Variants in MDN1 observed in about 807,000 individuals in gnomAD.
MDN1 encodes the protein midasin AAA ATPase 1.
Under a neutral mutation model 669.2 loss-of-function variants are expected in MDN1, and 266 were observed. That is an observed-to-expected ratio of 0.40 (90% CI 0.36 to 0.44). MDN1 has a LOEUF of 0.44. Ranked by LOEUF, MDN1 falls within the 20% of genes least tolerant of loss-of-function variation. The pLI is 1.00. For synonymous variants in MDN1, 2,385 were observed against 2,457.1 expected (o/e 0.97, Z 0.87); for missense variants, 5,940 against 6,754.0 (o/e 0.88, Z 4.22).
chr6:89,793,787 C>T lies in MDN1; in HGVS notation c.830G>A (p.Gly277Glu), dbSNP rs373877235. ...CAGCTCTCCAGGGGCTGGCAGCTGC[C>T]CAGGCAGCACCACACCACAAACAGC... ...VTAVCGVVLP[G>E]QLPAPGELGG... Residue 277 changes from glycine to glutamate, a missense_variant, in exon 5 of 102, where the codon GGG becomes GAG. Gly to Glu is a moderately conservative substitution (Grantham distance 98). This residue lies in a region of MDN1 where 1,203 missense variants were observed against 1,268.9 expected (regional missense o/e 0.95). Coordinates refer to ENST00000369393, the MANE Select transcript of MDN1 (RefSeq NM_014611.3). 1 of 1,613,782 alleles carries T rather than the reference C, an allele frequency of 6.2e-7. No homozygotes were observed. Among genetic ancestry groups the T allele is most frequent in the Non-Finnish European group, 8.5e-7 (1 of 1,179,916 alleles).
chr6:89,779,854 T>A (rs1426123033), intron 11 of MDN1, among the ~76,000 whole-genome samples: 7 of 151,826 alleles, frequency 4.6e-5, no homozygotes, highest in African/African-American at 1.7e-4. Context: ...TCACTTGAGG[T>A]CAGGAGATCG....
At chr6:89,741,655 A>G (rs1816305686) in intron 31 of MDN1, among the ~76,000 whole-genome samples, 1 of 152,224 alleles carries the variant, frequency 6.6e-6, no homozygotes. Context: ...TGATTCTGAT[A>G]AAACGGCTAG....
chr6:89,658,424 G>T, intron 89 of MDN1, 54 bp from the exon 90 acceptor site: 1 of 1,605,714 alleles, frequency 6.2e-7, no homozygotes, highest in Non-Finnish European at 8.5e-7. Flanking sequence ...ACAGCATAAG[G>T]TGGGAGACCT....
intron 92 of MDN1, 68 bp from the exon 93 acceptor site, chr6:89,654,402 G>T: frequency 6.4e-7 from 1 of 1,569,972 alleles, no homozygotes; most frequent in Non-Finnish European, 8.7e-7. Context: ...ATAATAAGTG[G>T]GTATGGTTTC....
chr6:89,723,232 G>T, intron 39 of MDN1, 89 bp from the exon 40 acceptor site: 1 of 1,327,828 alleles, frequency 7.5e-7, no homozygotes, highest in Non-Finnish European at 1.0e-6. Context: ...AAAAGCATAT[G>T]TAATCTGAAA....
chr6:89,723,108 C>T lies in MDN1; in HGVS notation c.5814G>A (p.Gly1938=). Residue 1938 remains glycine (G), a synonymous_variant, in exon 40 of 102, where the codon GGG becomes GGA. Coordinates refer to ENST00000369393, the MANE Select transcript of MDN1 (RefSeq NM_014611.3). ...DHEVTVEKKW[G]QKGGPWEFNL... is the part of the protein sequence containing the mutation. The stretch of plus-strand genomic sequence containing the variant: ...TGAATTCCCAGGGTCCTCCTTTTTG[C>T]CCCCATTTCTTCTCAACAGTCACTT... 6.2e-7 allele frequency: 1 copy of T among 1,614,054 alleles called. No individual in the cohort carries two copies. Among genetic ancestry groups the T allele is most frequent in the East Asian group, 2.2e-5 (1 of 44,886 alleles).
rs780142682 is a variant in MDN1 at position 89,716,828 on chromosome 6, G to A, written c.6584-19C>T. The A allele has an allele frequency of 2.3e-5, 36 of 1,590,304 alleles. No individual in the cohort carries two copies. The highest frequency in any genetic ancestry group is 8.9e-5 in the Admixed American group (5 of 56,082). On this transcript the variant is annotated intron_variant, in intron 43 of 101. Coordinates refer to ENST00000369393, the MANE Select transcript of MDN1 (RefSeq NM_014611.3). ...GCAAACTCTGAAATGTCACAGGGAA[G>A]AATCACCATCCACAGCACTTAACTT... is the stretch of plus-strand genomic sequence containing the variant.
intron 9 of MDN1, among the ~76,000 whole-genome samples, chr6:89,784,772 T>C (rs1260171297): frequency 6.6e-6 from 1 of 152,200 alleles, no homozygotes; most frequent in African/African-American, 2.4e-5. Context: ...TTGTGTATAA[T>C]AATGTTATTG....
chr6:89,809,993 TAAAAAAAAA>T (rs61558155), intron 1 of MDN1, among the ~76,000 whole-genome samples: 21 of 52,828 alleles, frequency 4.0e-4, no homozygotes, highest in South Asian at 1.0e-3. Context: ...TCCGTTTCAC[TAAAAAAAAA>T]AAAAAAAAAA....
Position 89,762,501 on chromosome 6 carries a change from C to T in MDN1, c.2174G>A (p.Trp725Ter). 1 of 1,613,692 alleles carries T rather than the reference C, an allele frequency of 6.2e-7. No individual in the cohort carries two copies. The highest frequency in any genetic ancestry group is 8.5e-7 in the Non-Finnish European group (1 of 1,179,740). The change falls in exon 16 of 102, where the codon TGG becomes TAG. Residue 725 changes from tryptophan to a stop codon, truncating the protein, a stop_gained. Transcript: ENST00000369393. LOFTEE classifies it high-confidence loss of function. ...CTCAAATGCCTCCCGTAAGGGTAGC[C>T]AAATAAGCTTATGGTCCACCGGTTT... Reference protein sequence around the residue: ...GYKPVDHKLIWLPLREAFEEL... With the variant: ...GYKPVDHKLI
Position 89,648,121 on chromosome 6 carries a change from G to C in MDN1, c.16306C>G (p.His5436Asp), listed in dbSNP as rs758389661. ...TCACTGAACTGCTCATGAAATGGGT[G>C]TAACAGCTTTACAGATTCTCCAAAA... is the stretch of plus-strand genomic sequence containing the variant. ...CSFGESVKLL[H>D]PFHEQFSDYS... The change falls in exon 99 of 102, where the codon CAC becomes GAC. Residue 5436 changes from histidine (H) to aspartate (D), a missense_variant. Coordinates refer to ENST00000369393, the MANE Select transcript of MDN1 (RefSeq NM_014611.3). The C allele has an allele frequency of 6.2e-7, 1 of 1,613,914 alleles. No individual in the cohort carries two copies. Among genetic ancestry groups the C allele is most frequent in the Non-Finnish European group, 8.5e-7 (1 of 1,179,894 alleles).
In MDN1 at chr6:89,718,636, T is replaced by A. The variant is rs1244933818; in HGVS notation, c.6322-9A>T. ...GGTCGTATAAGATCAACCTGTAATTTCCAGAGGACATGAACTCATCATAGG... is the reference window on the plus strand; with the variant it reads ...GGTCGTATAAGATCAACCTGTAATTACCAGAGGACATGAACTCATCATAGG... On this transcript the variant is annotated splice_polypyrimidine_tract_variant and intron_variant, in intron 42 of 101. Transcript: ENST00000369393. The A allele has an allele frequency of 3.7e-6, 6 of 1,612,916 alleles. No individual in the cohort carries two copies. Among genetic ancestry groups the A allele is most frequent in the Non-Finnish European group, 5.1e-6 (6 of 1,179,142 alleles).
chr6:89,794,555 A>G (rs1241144278), intron 3 of MDN1, 22 bp downstream of exon 3: 4 of 1,609,576 alleles, frequency 2.5e-6, no homozygotes. Flanking sequence ...TAGAAGTGCA[A>G]AAAAGTCTAA....
At chr6:89,783,266 G>C (rs1035205904) in intron 9 of MDN1, among the ~76,000 whole-genome samples, 4 of 152,088 alleles carry the variant, frequency 2.6e-5, no homozygotes, top group African/African-American at 9.7e-5. Context: ...CCCGGGAAAG[G>C]AATGCATTCC....
chr6:89,646,021 C>T (rs1413900228), intron 100 of MDN1, among the ~76,000 whole-genome samples: 3 of 152,170 alleles, frequency 2.0e-5, no homozygotes, highest in Middle Eastern at 3.2e-3. Flanking sequence ...GGTTTCAGGA[C>T]ACACACCCCC....
intron 36 of MDN1, among the ~76,000 whole-genome samples, chr6:89,728,599 G>C (rs560249550): frequency 6.6e-6 from 1 of 152,324 alleles, no homozygotes; most frequent in South Asian, 2.1e-4. Context: ...GGGAGGCCAA[G>C]GCAGGTGGAT....
chr6:89,658,443 G>A, intron 89 of MDN1, 73 bp from the exon 90 acceptor site: 1 of 1,588,514 alleles, frequency 6.3e-7, no homozygotes, highest in South Asian at 1.1e-5. Flanking sequence ...CTTGCAACAA[G>A]CAGGCTTCCC....
intron 21 of MDN1, 101 bp from the exon 22 acceptor site, chr6:89,753,723 C>A (rs1210312952): frequency 8.4e-6 from 8 of 952,162 alleles, no homozygotes; most frequent in Non-Finnish European, 1.3e-5. Context: ...GATGCTGCTT[C>A]CCAACTTTTA....
intron 39 of MDN1, 34 bp downstream of exon 39, chr6:89,723,478 A>G (rs753877984): frequency 1.0e-5 from 13 of 1,251,432 alleles, no homozygotes; most frequent in African/African-American, 6.2e-5. Context: ...ATACAGCCAG[A>G]AAAAAAAAGA....
Sources: allele counts gnomAD v4.1 joint callset (sites outside exome capture counted in the v4.1 genomes callset), GRCh38; gene constraint gnomAD v4.1.1; regional missense constraint gnomAD v4.1.1; transcripts MANE v1.5; gene names NCBI Gene and HGNC (gene_info 2026-07-23, HGNC 2026-07-21).